The following PLCG2 variants were observed in gnomAD, a reference collection of about 807,000 sequenced individuals.
PLCG2 encodes 1-phosphatidylinositol 4,5-bisphosphate phosphodiesterase gamma-2.
In PLCG2, 69 loss-of-function variants were observed where a neutral mutation model predicts 175.6. The ratio of observed to expected loss-of-function variants is 0.39; its 90% CI spans 0.32 to 0.48. PLCG2 has a LOEUF of 0.48. Ranked by LOEUF, PLCG2 falls within the 20% of genes least tolerant of loss-of-function variation. The pLI, the probability that PLCG2 is intolerant of heterozygous loss-of-function variation, is 0.91. For missense variants in PLCG2, 1,798 were observed against 1,650.9 expected (o/e 1.09, Z -1.54); for synonymous variants, 827 against 624.0 (o/e 1.33, Z -4.85).
intron 5 of PLCG2, among the ~76,000 whole-genome samples, chr16:81,861,641 C>G (rs1274817855): frequency 6.6e-6 from 1 of 152,144 alleles, no homozygotes; most frequent in Non-Finnish European, 1.5e-5. Context: ...ACACACTGGT[C>G]TCTTTCAGCC....
chr16:81,839,288 G>A (rs1283857940), intron 2 of PLCG2, among the ~76,000 whole-genome samples: 1 of 152,054 alleles, frequency 6.6e-6, no homozygotes, highest in Non-Finnish European at 1.5e-5. Flanking sequence ...ACAAATGTTT[G>A]CAGTTTGAGA....
intron 2 of PLCG2, among the ~76,000 whole-genome samples, chr16:81,807,489 C>A (rs1429151198): frequency 6.6e-6 from 1 of 152,214 alleles, no homozygotes; most frequent in Non-Finnish European, 1.5e-5. Context: ...TCATCATTGT[C>A]ATCACTGTCA....
chr16:81,774,454 C>T (rs918817434), upstream of PLCG2, among the ~76,000 whole-genome samples: 1 of 152,200 alleles, frequency 6.6e-6, no homozygotes, highest in African/African-American at 2.4e-5. Context: ...GAGGCCTAAC[C>T]CCATTGAAAG....
intron 7 of PLCG2, among the ~76,000 whole-genome samples, chr16:81,873,630 A>C (rs1438483345): frequency 2.6e-5 from 4 of 152,160 alleles, no homozygotes; most frequent in African/African-American, 2.4e-5. Context: ...GCAAAGTTTG[A>C]AAATAAGATT....
chr16:81,939,712 G>A (rs1281422135), intron 29 of PLCG2, among the ~76,000 whole-genome samples, 180 bp from the exon 30 acceptor site: 1 of 152,206 alleles, frequency 6.6e-6, no homozygotes, highest in Non-Finnish European at 1.5e-5. Flanking sequence ...CAGCTTCCAG[G>A]ATTGCTCAAG....
intron 9 of PLCG2, among the ~76,000 whole-genome samples, chr16:81,888,508 T>G (rs1908481066): frequency 6.6e-6 from 1 of 152,266 alleles, no homozygotes. Context: ...GAGCACTTTC[T>G]GTGCACCAGG....
chr16:81,828,054 C>T lies in PLCG2; in HGVS notation c.194-26390C>T, dbSNP rs1439745853. Among the ~76,000 whole-genome samples the T allele has an allele frequency of 8.4e-5, 12 of 142,670 alleles. No homozygotes were observed. The Admixed American group carries it at 8.6e-4, about 10-fold the overall frequency. 93.6% of individuals were successfully genotyped at this position (142,670 alleles called of 152,430 possible). A position where few individuals can be genotyped will look rare whatever the true frequency, so the allele number is the denominator to read the frequency against. On this transcript the variant is annotated intron_variant, in intron 2 of 32. Coordinates refer to ENST00000564138, the MANE Select transcript of PLCG2 (RefSeq NM_002661.5). ...GCACTGAGCCGAGATCATGCCATTG[C>T]ACTCCAGCCTGCGCAACAAGAGCAA...
intron 3 of PLCG2, among the ~76,000 whole-genome samples, chr16:81,857,188 T>A (rs903719441): frequency 3.9e-5 from 6 of 152,212 alleles, no homozygotes; most frequent in African/African-American, 1.4e-4. Flanking sequence ...CCTGTTGATG[T>A]CTCCGTCATC....
At chr16:81,825,550 C>G (rs373522076) in intron 2 of PLCG2, among the ~76,000 whole-genome samples, 1 of 152,176 alleles carries the variant, frequency 6.6e-6, no homozygotes. Flanking sequence ...CTGCCTCGGT[C>G]TCCCAAAGTG....
At chr16:81,890,584 C>G (rs1908584244) in intron 10 of PLCG2, among the ~76,000 whole-genome samples, 1 of 152,160 alleles carries the variant, frequency 6.6e-6, no homozygotes, top group Non-Finnish European at 1.5e-5. Flanking sequence ...CCATTGCAAG[C>G]ACAGAAACAG....
chr16:81,931,683 G>A (rs1297198896), intron 25 of PLCG2, 29 bp downstream of exon 25: 4 of 1,606,260 alleles, frequency 2.5e-6, no homozygotes, highest in Non-Finnish European at 3.4e-6. Context: ...GGGTGCAGGT[G>A]GGCCTGGCAT....
intron 7 of PLCG2, among the ~76,000 whole-genome samples, chr16:81,877,988 T>C (rs1907891791): frequency 7.7e-6 from 1 of 130,086 alleles, no homozygotes; most frequent in South Asian, 2.7e-4. Flanking sequence ...TTTTTTTTTT[T>C]TTTTTTTTTT....
In PLCG2 at chr16:81,758,392, T is replaced by C. The variant is rs577051223; in HGVS notation, c.-48+2426T>C. On this transcript the variant is annotated intron_variant, in intron 2 of 5. Coordinates refer to the PLCG2 transcript ENST00000565054. The stretch of plus-strand genomic sequence containing the variant: ...ATGGATAGATCACATCTGGTTCATT[T>C]GTTCATCAGTTGACGGACATTTGGG... Among the ~76,000 whole-genome samples the C allele has an allele frequency of 9.2e-5, 14 of 152,364 alleles. No individual in the cohort carries two copies. The South Asian group carries it at 2.9e-3, about 32-fold the overall frequency.
chr16:81,743,054 AC>A (rs1909628949), intron 1 of PLCG2, among the ~76,000 whole-genome samples: 1 of 152,222 alleles, frequency 6.6e-6, no homozygotes, highest in African/African-American at 2.4e-5. Context: ...TAGTCCCAGC[AC>A]TTTGGGATGC....
chr16:81,946,273 G>C lies in PLCG2; in HGVS notation c.3570+10G>C. The C allele has an allele frequency of 6.2e-7, 1 of 1,600,738 alleles. No homozygotes were observed. The highest frequency in any genetic ancestry group is 2.2e-5 in the East Asian group (1 of 44,818). On this transcript the variant is annotated intron_variant, in intron 31 of 32. Transcript: ENST00000564138. ...GATGCGGCCAGTCCTGGTGAGTGGA[G>C]AAACACCAGTTAAGGGTTCCCTGAG...
intron 7 of PLCG2, among the ~76,000 whole-genome samples, chr16:81,880,001 G>T (rs991840391): frequency 7.2e-5 from 11 of 152,182 alleles, no homozygotes; most frequent in Non-Finnish European, 1.6e-4. Context: ...GCTACTGAGG[G>T]GGCTCAGGAG....
intron 9 of PLCG2, 55 bp from the exon 10 acceptor site, chr16:81,889,117 A>T (rs1908510475): frequency 9.3e-7 from 1 of 1,076,304 alleles, no homozygotes; most frequent in Non-Finnish European, 1.4e-6. Flanking sequence ...CTGGGAAATG[A>T]AGAATTTTAT....
chr16:81,927,161 G>C lies in PLCG2; in HGVS notation c.2497G>C (p.Glu833Gln). Reference sequence around the variant, plus strand: ...CGAGGACATCTCAACTGCAGACTTCGAGGAGCTAGAAAAGCAGGTGAGTCC... The same window carrying C: ...CGAGGACATCTCAACTGCAGACTTCCAGGAGCTAGAAAAGCAGGTGAGTCC... ...YVEDISTADF[E>Q]ELEKQIIEDN... Residue 833 changes from glutamate (E) to glutamine (Q), a missense_variant, in exon 23 of 33, where the codon GAG becomes CAG. By Grantham distance (29) the Glu-to-Gln change is conservative. Coordinates refer to ENST00000564138, the MANE Select transcript of PLCG2 (RefSeq NM_002661.5). 6.2e-7 allele frequency: 1 copy of C among 1,612,004 alleles called. No individual in the cohort carries two copies. The highest frequency in any genetic ancestry group is 8.5e-7 in the Non-Finnish European group (1 of 1,178,052).
At chr16:81,912,560 C>A in intron 18 of PLCG2, 37 bp from the exon 19 acceptor site, 4 of 1,608,502 alleles carry the variant, frequency 2.5e-6, no homozygotes, top group Non-Finnish European at 3.4e-6. Flanking sequence ...GCCTGGAGAC[C>A]GCTCACCTGG....
Sources: allele counts gnomAD v4.1 joint callset (sites outside exome capture counted in the v4.1 genomes callset), GRCh38; gene constraint gnomAD v4.1.1; transcripts MANE v1.5; gene names NCBI Gene and HGNC (gene_info 2026-07-23, HGNC 2026-07-21).